LRRC8C: variants seen among roughly 807,000 people sequenced by gnomAD.
LRRC8C encodes volume-regulated anion channel subunit LRRC8C.
LRRC8C carries 20 observed loss-of-function variants against 55.3 expected under a neutral mutation model. That is an observed-to-expected ratio of 0.36 (90% CI 0.25 to 0.53). The LOEUF (loss-of-function observed/expected upper bound fraction) is 0.53. Ranked by LOEUF, LRRC8C falls within the 20% of genes least tolerant of loss-of-function variation. The pLI is 0.92. For missense variants in LRRC8C, 659 were observed against 951.4 expected, an observed-to-expected ratio of 0.69 and a Z score of 4.04; for synonymous variants, 376 against 360.7, an observed-to-expected ratio of 1.04 and a Z score of -0.48.
chr1:89,682,367 T>TG (rs1432478168), intron 1 of LRRC8C, among the ~76,000 whole-genome samples: 1 of 152,100 alleles, frequency 6.6e-6, no homozygotes, highest in Non-Finnish European at 1.5e-5. Context: ...AAGCATGAGG[T>TG]CTGTGAAGCA....
intron 1 of LRRC8C, among the ~76,000 whole-genome samples, chr1:89,658,230 T>C (rs1486177592): frequency 6.6e-6 from 1 of 152,194 alleles, no homozygotes; most frequent in Non-Finnish European, 1.5e-5. Context: ...GCCCGACCTC[T>C]TCCTGTTGAC....
chr1:89,674,279 T>G (rs1035449666), intron 1 of LRRC8C, among the ~76,000 whole-genome samples: 7 of 152,240 alleles, frequency 4.6e-5, no homozygotes, highest in African/African-American at 1.4e-4. Context: ...TTTGGCTATT[T>G]CCACCTAGAG....
intron 1 of LRRC8C, among the ~76,000 whole-genome samples, chr1:89,672,629 C>T (rs2101242322): frequency 6.6e-6 from 1 of 152,276 alleles, no homozygotes; most frequent in Non-Finnish European, 1.5e-5. Context: ...ACCAAGGATA[C>T]ATTAAGATCC....
the LRRC8C span, among the ~76,000 whole-genome samples, chr1:89,621,296 TAAAA>T: frequency 0.43 from 53,037 of 123,128 alleles, 10,651 homozygotes; most frequent in East Asian, 0.74. Flanking sequence ...CCGTCTCTAC[TAAAA>T]AAAAAAAAAA....
At chr1:89,700,451 C>T (rs1051145543) in intron 2 of LRRC8C, among the ~76,000 whole-genome samples, 4 of 152,160 alleles carry the variant, frequency 2.6e-5, no homozygotes, top group Admixed American at 6.5e-5. Flanking sequence ...GCATGTATTA[C>T]GTTGGCACAA....
chr1:89,638,136 A>G (rs937218941), intron 1 of LRRC8C, among the ~76,000 whole-genome samples: 1 of 152,230 alleles, frequency 6.6e-6, no homozygotes, highest in African/African-American at 2.4e-5. Context: ...CAGGAGAGCT[A>G]TATGTTCTTT....
chr1:89,700,481 C>T (rs557347048), intron 2 of LRRC8C, among the ~76,000 whole-genome samples: 1 of 152,250 alleles, frequency 6.6e-6, no homozygotes, highest in South Asian at 2.1e-4. Context: ...TGTTTTTTGC[C>T]ATTACTTTCA....
In LRRC8C at chr1:89,717,051, A is replaced by G. The variant is rs1173352143; in HGVS notation, c.*2069A>G. 6.6e-6 allele frequency: 1 copy of G among 152,188 alleles called. No individual in the cohort carries two copies. Among genetic ancestry groups the G allele is most frequent in the African/African-American group, 2.4e-5 (1 of 41,448 alleles). 9.4% of individuals were successfully genotyped at this position (152,188 alleles called of 1,614,324 possible). On this transcript the variant is annotated 3_prime_UTR_variant, in exon 3 of 3. Coordinates refer to ENST00000370454, the MANE Select transcript of LRRC8C (RefSeq NM_032270.5). ...GAAATAATGTGCTCAGAATAATAAC[A>G]TGGTTATAGTTCTTGTATGATAAAG...
chr1:89,641,215 CAAAT>C (rs1462674121), intron 1 of LRRC8C, among the ~76,000 whole-genome samples: 6 of 152,112 alleles, frequency 3.9e-5, no homozygotes, highest in Admixed American at 3.3e-4. Context: ...ACTTTTTGGA[CAAAT>C]AATTTCTGAG....
At chr1:89,640,297 C>T (rs1490320150) in intron 1 of LRRC8C, among the ~76,000 whole-genome samples, 1 of 152,120 alleles carries the variant, frequency 6.6e-6, no homozygotes, top group Admixed American at 6.6e-5. Context: ...ACTCCTGACC[C>T]CATGATCCAC....
chr1:89,709,854 C>T (rs1420966608), intron 2 of LRRC8C, among the ~76,000 whole-genome samples: 3 of 151,764 alleles, frequency 2.0e-5, no homozygotes, highest in Admixed American at 1.3e-4. Flanking sequence ...CGGGTTCACG[C>T]CATTTTCCTG....
chr1:89,687,218 T>C (rs1657907827), intron 2 of LRRC8C, among the ~76,000 whole-genome samples: 1 of 152,170 alleles, frequency 6.6e-6, no homozygotes, highest in African/African-American at 2.4e-5. Context: ...AAACTAGCAA[T>C]CAAAATAACT....
At position 89,713,696 on chromosome 1, in the gene LRRC8C, A is replaced by G; in HGVS notation, c.1126A>G (p.Met376Val). ...VKNDFAFMLH[M>V]IDQYDPLYSK... The stretch of plus-strand genomic sequence containing the variant: ...AAATGACTTTGCTTTTATGCTTCAT[A>G]TGATAGATCAGTATGACCCTCTCTA... Residue 376 changes from methionine (M) to valine (V), a missense_variant, in exon 3 of 3, where the codon ATG becomes GTG. Coordinates refer to ENST00000370454, the MANE Select transcript of LRRC8C (RefSeq NM_032270.5). The surrounding 1 kb of genome is among the most constrained non-coding windows in gnomAD (Gnocchi z 5.2). 6.2e-7 allele frequency: 1 copy of G among 1,614,222 alleles called. No homozygotes were observed. The highest frequency in any genetic ancestry group is 8.5e-7 in the Non-Finnish European group (1 of 1,180,044).
At chr1:89,627,937 CT>C in the LRRC8C span, among the ~76,000 whole-genome samples, 1 of 152,210 alleles carries the variant, frequency 6.6e-6, no homozygotes, top group Non-Finnish European at 1.5e-5. Context: ...GCATTTTAGA[CT>C]TTTGAATTTG....
At chr1:89,628,783 G>T (rs1656037147), upstream of LRRC8C, among the ~76,000 whole-genome samples, 1 of 152,238 alleles carries the variant, frequency 6.6e-6, no homozygotes. Flanking sequence ...AAGAGAAAGG[G>T]AAGGGAGGGA....
At chr1:89,651,522 C>T (rs781222949) in intron 1 of LRRC8C, among the ~76,000 whole-genome samples, 1 of 135,288 alleles carries the variant, frequency 7.4e-6, no homozygotes, top group African/African-American at 2.8e-5. Flanking sequence ...GAGCTGAGAT[C>T]GCGCCACTGC....
intron 1 of LRRC8C, among the ~76,000 whole-genome samples, chr1:89,645,764 C>T (rs929599475): frequency 1.3e-5 from 2 of 151,794 alleles, no homozygotes; most frequent in African/African-American, 4.8e-5. Flanking sequence ...AAAATAGGAA[C>T]AATAAGATGT....
upstream of LRRC8C, among the ~76,000 whole-genome samples, chr1:89,629,138 CT>C (rs1267619223): frequency 2.0e-5 from 3 of 152,204 alleles, no homozygotes; most frequent in Non-Finnish European, 4.4e-5. Context: ...TTTTCCCTGT[CT>C]AGCATTTTTA....
At chr1:89,681,990 A>G (rs760663481) in intron 1 of LRRC8C, among the ~76,000 whole-genome samples, 2 of 152,170 alleles carry the variant, frequency 1.3e-5, no homozygotes, top group Non-Finnish European at 2.9e-5. Context: ...ATCCTGGCTA[A>G]CACGGTGAAA....
Sources: allele counts gnomAD v4.1 joint callset (sites outside exome capture counted in the v4.1 genomes callset), GRCh38; gene constraint gnomAD v4.1.1; non-coding constraint Gnocchi (gnomAD v3.1); transcripts MANE v1.5; gene names NCBI Gene and HGNC (gene_info 2026-07-23, HGNC 2026-07-21).